Variants in GNG4 observed in about 807,000 individuals in gnomAD.
GNG4 encodes the protein G protein subunit gamma 4.
GNG4 carries 4 observed loss-of-function variants against 5.8 expected under a neutral mutation model. That is an observed-to-expected ratio of 0.69 (90% CI 0.34 to 1.57). GNG4 has a LOEUF of 1.57. Ranked by LOEUF, GNG4 falls within the 40% of genes most tolerant of loss-of-function variation. GNG4 has a pLI of 0.06. For synonymous variants in GNG4, 29 were observed against 32.9 expected, an observed-to-expected ratio of 0.88 and a Z score of 0.41; for missense variants, 96 against 95.1, an observed-to-expected ratio of 1.01 and a Z score of -0.04.
In GNG4 at chr1:235,648,837, C is replaced by A. The variant is rs1253606532; in HGVS notation, c.-123+825G>T. On this transcript the variant is annotated intron_variant, in intron 1 of 3. Transcript: ENST00000391854. The surrounding 1 kb of genome is among the most constrained non-coding windows in gnomAD (Gnocchi z 5.0). ...TGGGAGGCCCGGCGTCCATCATCCA[C>A]TTTATTACTTGATCAAACTTTAACA... 6.6e-6 allele frequency among the ~76,000 whole-genome samples: 1 copy of A among 152,194 alleles called. No individual in the cohort carries two copies. The highest frequency in any genetic ancestry group is 1.5e-5 in the Non-Finnish European group (1 of 68,038).
chr1:235,614,188 C>T (rs6662326), intron 1 of GNG4, among the ~76,000 whole-genome samples: 57,200 of 152,046 alleles, frequency 0.38, 10,927 homozygotes, highest in African/African-American at 0.41. Context: ...ATTTCAGCTG[C>T]TGAATTTATG....
intron 2 of GNG4, among the ~76,000 whole-genome samples, chr1:235,586,397 G>A (rs1687761313): frequency 6.6e-6 from 1 of 151,972 alleles, no homozygotes; most frequent in Non-Finnish European, 1.5e-5. Flanking sequence ...TGTGTGTGCT[G>A]ATGTGTGTCT....
intron 1 of GNG4, among the ~76,000 whole-genome samples, chr1:235,618,021 A>C (rs140307149): frequency 1.9e-4 from 29 of 152,268 alleles, no homozygotes; most frequent in African/African-American, 6.0e-4. Context: ...ATCCTCCCCT[A>C]GTGGAGATAT....
intron 1 of GNG4, among the ~76,000 whole-genome samples, chr1:235,631,603 C>T (rs1380712109): frequency 6.7e-6 from 1 of 149,944 alleles, no homozygotes; most frequent in East Asian, 2.0e-4. Flanking sequence ...CAGAGTCTTG[C>T]TCTGTTGCTC....
chr1:235,643,451 C>A (rs1300608380), intron 1 of GNG4, among the ~76,000 whole-genome samples: 1 of 152,206 alleles, frequency 6.6e-6, no homozygotes, highest in East Asian at 1.9e-4. Flanking sequence ...TGTTTTCACA[C>A]ATGCACCCCC....
chr1:235,610,711 C>A (rs974999618), intron 1 of GNG4, among the ~76,000 whole-genome samples: 2 of 152,312 alleles, frequency 1.3e-5, no homozygotes, highest in South Asian at 2.1e-4. Context: ...TAGAAAAAGG[C>A]TCCTGTTTCA....
chr1:235,594,681 G>A (rs75324105), intron 2 of GNG4, among the ~76,000 whole-genome samples: 9 of 152,150 alleles, frequency 5.9e-5, no homozygotes, highest in East Asian at 1.9e-4. Context: ...CTCCCAGTGC[G>A]GGGCCGCTAA....
chr1:235,579,409 TA>T lies in GNG4; in HGVS notation c.99+4330del, dbSNP rs36022466. 1.2e-3 allele frequency among the ~76,000 whole-genome samples: 69 copies of T among 57,410 alleles called. 3 individuals carry two copies. The highest frequency in any genetic ancestry group is 1.4e-3 in the Admixed American group (8 of 5,578). 37.7% of individuals were successfully genotyped at this position (57,410 alleles called of 152,430 possible). A position where few individuals can be genotyped will look rare whatever the true frequency, so the allele number is the denominator to read the frequency against. ...TTACTTGTCAAAGTAAATACATTAATAAAAAAAAAAAAGTAAATACATTAAT... is the reference window on the plus strand; with the variant it reads ...TTACTTGTCAAAGTAAATACATTAATAAAAAAAAAAAGTAAATACATTAAT... On this transcript the variant is annotated intron_variant, in intron 3 of 3. Transcript: ENST00000391854.
At chr1:235,574,985 C>T (rs1175484585) in intron 3 of GNG4, among the ~76,000 whole-genome samples, 2 of 152,062 alleles carry the variant, frequency 1.3e-5, no homozygotes, top group Non-Finnish European at 2.9e-5. Context: ...CCACCACACC[C>T]AGCTAATTTT....
chr1:235,622,861 A>G (rs1372285231), intron 1 of GNG4, among the ~76,000 whole-genome samples: 30 of 103,922 alleles, frequency 2.9e-4, no homozygotes, highest in African/African-American at 1.4e-3. Flanking sequence ...GTGACAGAGT[A>G]AGACTCCATC....
At chr1:235,638,268 T>C (rs1415823515) in intron 1 of GNG4, among the ~76,000 whole-genome samples, 2 of 152,230 alleles carry the variant, frequency 1.3e-5, no homozygotes, top group Non-Finnish European at 2.9e-5. Context: ...TTGGTTTCTA[T>C]TGTGGCTACA....
At chr1:235,599,665 A>G (rs1302090039) in intron 1 of GNG4, among the ~76,000 whole-genome samples, 1 of 152,128 alleles carries the variant, frequency 6.6e-6, no homozygotes, top group Non-Finnish European at 1.5e-5. Flanking sequence ...GAGTTTGAAA[A>G]GTTCTGAGCT....
At position 235,619,892 on chromosome 1, in the gene GNG4, G is replaced by C. The variant is rs376684399; in HGVS notation, c.-122-24381C>G. 2.5e-4 allele frequency among the ~76,000 whole-genome samples: 38 copies of C among 152,292 alleles called. No individual in the cohort carries two copies. The South Asian group carries it at 3.9e-3, about 16-fold the overall frequency. The stretch of plus-strand genomic sequence containing the variant: ...TAAAAATAATAGCCTTTGTTTTGGA[G>C]AAGAAAGTACTAAGTTAGAGTTAGC... On this transcript the variant is annotated intron_variant, in intron 1 of 3. Transcript: ENST00000391854.
At chr1:235,597,940 A>G (rs1278807016) in intron 1 of GNG4, among the ~76,000 whole-genome samples, 1 of 152,116 alleles carries the variant, frequency 6.6e-6, no homozygotes, top group Non-Finnish European at 1.5e-5. Context: ...GTATTTTAAT[A>G]TAACAGTGCT....
chr1:235,582,260 C>T (rs1687655834), intron 3 of GNG4, among the ~76,000 whole-genome samples: 1 of 152,250 alleles, frequency 6.6e-6, no homozygotes, highest in African/African-American at 2.4e-5. Flanking sequence ...ACACCTGTCA[C>T]CTCATGGCTG....
At chr1:235,646,108 T>G (rs1374280908) in intron 1 of GNG4, among the ~76,000 whole-genome samples, 1 of 152,166 alleles carries the variant, frequency 6.6e-6, no homozygotes, top group East Asian at 1.9e-4. Context: ...GCTTCTTCTA[T>G]CTCTAGGGCC....
rs1558486409 is a variant in GNG4, at chr1:235,587,627, G to GTGTGTGAGCGTGGGTTTGT, written c.-10-3780_-10-3779insACAAACCCACGCTCACACA. Among the ~76,000 whole-genome samples the GTGTGTGAGCGTGGGTTTGT allele has an allele frequency of 6.9e-3, 102 of 14,744 alleles. 33 individuals are homozygous for GTGTGTGAGCGTGGGTTTGT. Among genetic ancestry groups the GTGTGTGAGCGTGGGTTTGT allele is most frequent in the East Asian group, 0.064 (7 of 110 alleles). The allele number at this position is 14,744 out of a possible 152,430, so 9.7% of individuals were successfully genotyped here. On this transcript the variant is annotated intron_variant, in intron 2 of 3. Transcript: ENST00000391854. ...GGCATGGGGTGGGGTGTGTGAATGT[G>GTGTGTGAGCGTGGGTTTGT]GGGTGGAGTGTGAGTGTGGGAGGGT... is the stretch of plus-strand genomic sequence containing the variant.
intron 2 of GNG4, among the ~76,000 whole-genome samples, chr1:235,587,465 GGGGTGAGTGTGAGAGT>G: frequency 3.9e-5 from 1 of 25,726 alleles, no homozygotes; most frequent in Admixed American, 3.5e-4. Flanking sequence ...TACAGGGTGG[GGGGTGAGTGTGAGAGT>G]GTGGATGGGG....
intron 1 of GNG4, among the ~76,000 whole-genome samples, chr1:235,612,527 T>C (rs1688501624): frequency 6.6e-6 from 1 of 151,972 alleles, no homozygotes; most frequent in African/African-American, 2.4e-5. Flanking sequence ...ATACCATAAA[T>C]TGGGTAGGTT....
Sources: gnomAD v4.1 joint callset for allele counts (sites outside exome capture counted in the v4.1 genomes callset) on GRCh38, gnomAD v4.1.1 for gene constraint, Gnocchi (gnomAD v3.1) non-coding constraint, MANE v1.5 for transcripts, NCBI Gene and HGNC (gene_info 2026-07-23, HGNC 2026-07-21) for gene names.